SLC17A8: variants seen among roughly 807,000 people sequenced by gnomAD.
SLC17A8 encodes the protein vesicular glutamate transporter 3.
SLC17A8 carries 31 observed loss-of-function variants against 58.0 expected under a neutral mutation model. The ratio of observed to expected loss-of-function variants is 0.53; its 90% CI spans 0.40 to 0.72. The LOEUF is 0.72. Among genes scored for constraint, SLC17A8 ranks in the 30% least tolerant of loss-of-function variants. The pLI is 0.00. For missense variants in SLC17A8, 655 were observed against 727.8 expected (o/e 0.90, Z 1.15); for synonymous variants, 228 against 249.0 (o/e 0.92, Z 0.79).
At chr12:100,373,612 T>G (rs917143470) in intron 1 of SLC17A8, among the ~76,000 whole-genome samples, 2 of 129,244 alleles carry the variant, frequency 1.5e-5, no homozygotes, top group Non-Finnish European at 3.1e-5. Flanking sequence ...CGAGACAGAG[T>G]CTCGCTCTGT....
chr12:100,394,047 T>C (rs111519585), intron 4 of SLC17A8, among the ~76,000 whole-genome samples: 2,539 of 152,326 alleles, frequency 0.017, 33 homozygotes, highest in Non-Finnish European at 0.029. Context: ...CAAACTGAAA[T>C]TTGAACTTCA....
At chr12:100,379,263 C>T (rs983950675) in intron 1 of SLC17A8, among the ~76,000 whole-genome samples, 6 of 151,964 alleles carry the variant, frequency 3.9e-5, no homozygotes, top group Non-Finnish European at 5.9e-5. Flanking sequence ...GGTGAAACCC[C>T]GTCTCTACTA....
chr12:100,420,016 A>C lies in SLC17A8; in HGVS notation c.1627A>C (p.Lys543Gln), dbSNP rs753828933. 1.2e-6 allele frequency: 2 copies of C among 1,614,018 alleles called. No homozygotes were observed. Among genetic ancestry groups the C allele is most frequent in the Non-Finnish European group, 8.5e-7 (1 of 1,179,922 alleles). Reference sequence around the variant, plus strand: ...CAACCATGAGAGTTTTGCGAGTCCCAAAAAGAAGATGTCTTATGGAGCCAC... The same window carrying C: ...CAACCATGAGAGTTTTGCGAGTCCCCAAAAGAAGATGTCTTATGGAGCCAC... ...ELNHESFASP[K>Q]KKMSYGATSQ... Residue 543 changes from lysine (K) to glutamine (Q), a missense_variant, in exon 12 of 12, where the codon AAA becomes CAA. Coordinates refer to ENST00000323346, the MANE Select transcript of SLC17A8 (RefSeq NM_139319.3).
Position 100,357,269 on chromosome 12 carries a change from T to C in SLC17A8, c.-123T>C, listed in dbSNP as rs1952452892. Reference sequence around the variant, plus strand: ...TCCTTTTTGATTTTGAGTAGTTCCCTCCACGAGAACTGACTTCCAGGTGTT... The same window carrying C: ...TCCTTTTTGATTTTGAGTAGTTCCCCCCACGAGAACTGACTTCCAGGTGTT... On this transcript the variant is annotated 5_prime_UTR_variant, in exon 1 of 12. Coordinates refer to ENST00000323346, the MANE Select transcript of SLC17A8 (RefSeq NM_139319.3). 2.6e-6 allele frequency: 2 copies of C among 758,784 alleles called. No homozygotes were observed. The highest frequency in any genetic ancestry group is 4.9e-6 in the Non-Finnish European group (2 of 411,324). 47.0% of individuals were successfully genotyped at this position (758,784 alleles called of 1,614,324 possible). A position where few individuals can be genotyped will look rare whatever the true frequency, so the allele number is the denominator to read the frequency against.
chr12:100,388,482 A>T, intron 2 of SLC17A8, among the ~76,000 whole-genome samples: 1 of 152,214 alleles, frequency 6.6e-6, no homozygotes, highest in East Asian at 1.9e-4. Flanking sequence ...TGAATTAATG[A>T]TAGCTAGCTA....
In SLC17A8 at chr12:100,380,854, A is replaced by C; in HGVS notation, c.255A>C (p.Gly85=). ...TCATTGCTATCATGAGTGGGCTGGG[A>C]TTCTGCATTTCCTTTGGGATCCGGT... ...RYIIAIMSGL[G]FCISFGIRCN... is the part of the protein sequence containing the mutation. The change falls in exon 2 of 12, where the codon GGA becomes GGC. Residue 85 remains glycine, a synonymous_variant. Transcript: ENST00000323346. The C allele has an allele frequency of 6.2e-7, 1 of 1,614,136 alleles. No individual in the cohort carries two copies. The highest frequency in any genetic ancestry group is 1.1e-5 in the South Asian group (1 of 91,078).
chr12:100,410,016 A>G lies in SLC17A8; in HGVS notation c.1187-2754A>G, dbSNP rs188117232. Among the ~76,000 whole-genome samples the G allele has an allele frequency of 1.3e-4, 20 of 152,338 alleles. No homozygotes were observed. The East Asian group carries it at 3.1e-3, about 24-fold the overall frequency. ...AATGAGGTGTGTGGCTTAGAAAGAC[A>G]GTGGTATTGAGAATGCATCAGAGGA... On this transcript the variant is annotated intron_variant, in intron 9 of 11. Coordinates refer to ENST00000323346, the MANE Select transcript of SLC17A8 (RefSeq NM_139319.3).
At chr12:100,363,636 C>T (rs745988953) in intron 1 of SLC17A8, among the ~76,000 whole-genome samples, 3 of 151,936 alleles carry the variant, frequency 2.0e-5, no homozygotes, top group Non-Finnish European at 4.4e-5. Context: ...AAAATGCTGG[C>T]GTTACAGGTG....
intron 1 of SLC17A8, among the ~76,000 whole-genome samples, chr12:100,364,162 A>G (rs576769109): frequency 1.3e-5 from 2 of 151,576 alleles, no homozygotes; most frequent in South Asian, 2.1e-4. Flanking sequence ...CTGCTATGCC[A>G]TCTTCACCAT....
At position 100,420,278 on chromosome 12, in the gene SLC17A8, C is replaced by T. The variant is rs2136020670; in HGVS notation, c.*119C>T. Reference sequence around the variant, plus strand: ...AATATTGGGAGGGGAGAAGATCTAACCAGCAACAGGGAAAAGAGAAATATT... The same window carrying T: ...AATATTGGGAGGGGAGAAGATCTAATCAGCAACAGGGAAAAGAGAAATATT... On this transcript the variant is annotated 3_prime_UTR_variant, in exon 12 of 12. Transcript: ENST00000323346. 3 of 748,446 alleles carry T rather than the reference C, an allele frequency of 4.0e-6. No homozygotes were observed. The highest frequency in any genetic ancestry group is 4.5e-6 in the Non-Finnish European group (2 of 440,532). The allele number at this position is 748,446 out of a possible 1,614,324, so 46.4% of individuals were successfully genotyped here. A position where few individuals can be genotyped will look rare whatever the true frequency, so the allele number is the denominator to read the frequency against.
intron 2 of SLC17A8, among the ~76,000 whole-genome samples, chr12:100,384,215 A>G (rs1317929717): frequency 6.6e-6 from 1 of 152,114 alleles, no homozygotes; most frequent in Non-Finnish European, 1.5e-5. Flanking sequence ...GGTTTTAATG[A>G]GCTCTGGGAC....
In SLC17A8 at chr12:100,373,602, C is replaced by T. The variant is rs573393670; in HGVS notation, c.102-7099C>T. 5.2e-3 allele frequency among the ~76,000 whole-genome samples: 539 copies of T among 104,216 alleles called. 2 individuals are homozygous for T. Among genetic ancestry groups the T allele is most frequent in the African/African-American group, 0.018 (452 of 25,340 alleles). The allele number at this position is 104,216 out of a possible 152,430, so 68.4% of individuals were successfully genotyped here. A position where few individuals can be genotyped will look rare whatever the true frequency, so the allele number is the denominator to read the frequency against. ...CTTTTTTTTTTTTTTTTTTTTTTTC[C>T]GAGACAGAGTCTCGCTCTGTCACCC... On this transcript the variant is annotated intron_variant, in intron 1 of 11. Coordinates refer to ENST00000323346, the MANE Select transcript of SLC17A8 (RefSeq NM_139319.3).
At chr12:100,392,282 A>G (rs1952722352) in intron 3 of SLC17A8, among the ~76,000 whole-genome samples, 1 of 152,196 alleles carries the variant, frequency 6.6e-6, no homozygotes, top group African/African-American at 2.4e-5. Context: ...TTTTTAAAAA[A>G]GAGAGAAATA....
At chr12:100,365,591 A>G (rs1952514376) in intron 1 of SLC17A8, among the ~76,000 whole-genome samples, 2 of 152,238 alleles carry the variant, frequency 1.3e-5, no homozygotes, top group Admixed American at 1.3e-4. Context: ...AGGTCTGCCA[A>G]CCATTGTGCT....
intron 9 of SLC17A8, among the ~76,000 whole-genome samples, chr12:100,408,315 CAG>C (rs1952841286): frequency 6.6e-6 from 1 of 152,314 alleles, no homozygotes; most frequent in Admixed American, 6.5e-5. Flanking sequence ...TGCTTAAAGA[CAG>C]ATGCCAAATT....
chr12:100,390,162 G>T (rs1413641806), intron 2 of SLC17A8, among the ~76,000 whole-genome samples: 1 of 151,616 alleles, frequency 6.6e-6, no homozygotes, highest in African/African-American at 2.4e-5. Flanking sequence ...ATGGGGTCTC[G>T]CCACGTTGCC....
Position 100,419,926 on chromosome 12 carries a change from G to A in SLC17A8, c.1537G>A (p.Glu513Lys), listed in dbSNP as rs767334253. 5.2e-5 allele frequency: 84 copies of A among 1,614,022 alleles called. No homozygotes were observed. The Admixed American group carries it at 1.4e-3, about 27-fold the overall frequency. ...SGEKQEWADPENLSEEKCGII... is the reference protein window; with the variant it reads ...SGEKQEWADPKNLSEEKCGII... ...GGAGAAACAGGAGTGGGCTGACCCA[G>A]AGAATCTCTCTGAGGAGAAATGTGG... The change falls in exon 12 of 12, where the codon GAG becomes AAG. Residue 513 changes from glutamate (E) to lysine (K), a missense_variant. Transcript: ENST00000323346.
chr12:100,365,147 C>T (rs140935344), intron 1 of SLC17A8, among the ~76,000 whole-genome samples: 43 of 152,282 alleles, frequency 2.8e-4, no homozygotes, highest in African/African-American at 9.9e-4. Flanking sequence ...AGTTGGACTT[C>T]TCAGGTCTGA....
intron 1 of SLC17A8, among the ~76,000 whole-genome samples, chr12:100,364,665 C>T (rs1952507551): frequency 6.6e-6 from 1 of 152,224 alleles, no homozygotes; most frequent in Non-Finnish European, 1.5e-5. Context: ...TAGGCATCCA[C>T]TCATAGATTG....
Sources: gnomAD v4.1 joint callset for allele counts (sites outside exome capture counted in the v4.1 genomes callset) on GRCh38, gnomAD v4.1.1 for gene constraint, MANE v1.5 for transcripts, NCBI Gene and HGNC (gene_info 2026-07-23, HGNC 2026-07-21) for gene names.